UNC5D: variants seen among roughly 807,000 people sequenced by gnomAD.
The protein encoded by UNC5D is netrin receptor UNC5D.
UNC5D carries 39 observed loss-of-function variants against 105.4 expected under a neutral mutation model. The observed-to-expected ratio is 0.37, with a 90% CI of 0.29 to 0.48. The LOEUF (loss-of-function observed/expected upper bound fraction) is 0.48, where lower values mean the gene tolerates loss of function less well. Among genes scored for constraint, UNC5D ranks in the 20% least tolerant of loss-of-function variants. The pLI, the probability that UNC5D is intolerant of heterozygous loss-of-function variation, is 0.98. For synonymous variants in UNC5D, 452 were observed against 450.4 expected, an observed-to-expected ratio of 1.00 and a Z score of -0.04; for missense variants, 991 against 1,202.4, an observed-to-expected ratio of 0.82 and a Z score of 2.60.
At chr8:35,250,035 G>GT (rs1803587017) in intron 1 of UNC5D, among the ~76,000 whole-genome samples, 1 of 151,076 alleles carries the variant, frequency 6.6e-6, no homozygotes, top group Non-Finnish European at 1.5e-5. Flanking sequence ...ACTTTTTTTT[G>GT]TTTTTTTAAG....
In UNC5D at chr8:35,600,122, G is replaced by C. The variant is rs912357839; in HGVS notation, c.570+4465G>C. ...CCAGCTTCATCCATGTCCCTACAAA[G>C]GACATGAACTCATCATTTTTTATGG... On this transcript the variant is annotated intron_variant, in intron 4 of 16. Transcript: ENST00000404895. Among the ~76,000 whole-genome samples, 8 of 152,124 alleles carry C rather than the reference G, an allele frequency of 5.3e-5. No homozygotes were observed. In the South Asian group the frequency reaches 6.2e-4, roughly 12 times the overall value.
At chr8:35,564,571 C>G (rs1272618967) in intron 2 of UNC5D, among the ~76,000 whole-genome samples, 1 of 152,132 alleles carries the variant, frequency 6.6e-6, no homozygotes, top group Non-Finnish European at 1.5e-5. Flanking sequence ...TATGCATGCT[C>G]CACTCCAGCT....
chr8:35,759,206 C>G, intron 13 of UNC5D, 114 bp from the exon 14 acceptor site: 1 of 1,182,594 alleles, frequency 8.5e-7, no homozygotes, highest in Non-Finnish European at 1.2e-6. Flanking sequence ...CTCCTATGCT[C>G]TCTGTCCATT....
intron 1 of UNC5D, among the ~76,000 whole-genome samples, chr8:35,521,652 G>T (rs970020178): frequency 1.3e-5 from 2 of 152,276 alleles, no homozygotes; most frequent in South Asian, 4.1e-4. Context: ...TGATCCTAAT[G>T]CTGTAATTTC....
At chr8:35,722,775 C>T (rs541606227) in intron 9 of UNC5D, among the ~76,000 whole-genome samples, 2 of 152,312 alleles carry the variant, frequency 1.3e-5, no homozygotes, top group South Asian at 4.1e-4. Flanking sequence ...ACCTATATTA[C>T]AGCCTCCCAG....
At chr8:35,440,282 C>T (rs75855303) in intron 1 of UNC5D, among the ~76,000 whole-genome samples, 6,950 of 151,966 alleles carry the variant, frequency 0.046, 176 homozygotes, top group African/African-American at 0.061. Context: ...TTAAAGTCCC[C>T]GTTGTATCAT....
intron 1 of UNC5D, among the ~76,000 whole-genome samples, chr8:35,238,831 C>T (rs1802628888): frequency 6.6e-6 from 1 of 152,114 alleles, no homozygotes; most frequent in African/African-American, 2.4e-5. Flanking sequence ...TAATAATAGT[C>T]TTGTGATTTA....
At chr8:35,249,229 A>T (rs1336247644) in intron 1 of UNC5D, among the ~76,000 whole-genome samples, 1 of 147,444 alleles carries the variant, frequency 6.8e-6, no homozygotes, top group Non-Finnish European at 1.5e-5. Context: ...AAAGCCATAA[A>T]TTTACATCCA....
intron 14 of UNC5D, among the ~76,000 whole-genome samples, chr8:35,765,821 C>A (rs1801739813): frequency 6.6e-6 from 1 of 152,104 alleles, no homozygotes; most frequent in Non-Finnish European, 1.5e-5. Context: ...TATGTCTTGC[C>A]ACCTTTCAGT....
intron 16 of UNC5D, among the ~76,000 whole-genome samples, chr8:35,782,299 G>A (rs1802536838): frequency 6.6e-6 from 1 of 152,082 alleles, no homozygotes; most frequent in Admixed American, 6.6e-5. Flanking sequence ...CATATGGAGG[G>A]TTGGTTTTGG....
chr8:35,415,635 G>T (rs1245057108), intron 1 of UNC5D, among the ~76,000 whole-genome samples: 1 of 152,124 alleles, frequency 6.6e-6, no homozygotes, highest in Non-Finnish European at 1.5e-5. Flanking sequence ...ACTTGCTAAT[G>T]AGGAATTGTC....
At chr8:35,703,208 A>G (rs968520943) in intron 7 of UNC5D, among the ~76,000 whole-genome samples, 6 of 151,948 alleles carry the variant, frequency 3.9e-5, no homozygotes, top group African/African-American at 9.7e-5. Flanking sequence ...TACTCTGACA[A>G]TGATCATGAT....
chr8:35,271,239 G>A (rs1237180806), intron 1 of UNC5D, among the ~76,000 whole-genome samples: 1 of 144,680 alleles, frequency 6.9e-6, no homozygotes, highest in East Asian at 2.1e-4. Flanking sequence ...ATAAATATAG[G>A]TATACCTATA....
chr8:35,422,845 TC>T (rs1806004444), intron 1 of UNC5D, among the ~76,000 whole-genome samples: 2 of 152,336 alleles, frequency 1.3e-5, no homozygotes, highest in South Asian at 4.1e-4. Flanking sequence ...ACATAATCTG[TC>T]CTCAAAGCCC....
intron 1 of UNC5D, among the ~76,000 whole-genome samples, chr8:35,465,217 ACT>A (rs1166705985): frequency 6.6e-6 from 1 of 152,122 alleles, no homozygotes. Context: ...GTGGCAAAAC[ACT>A]GTCTATGCAA....
intron 1 of UNC5D, among the ~76,000 whole-genome samples, chr8:35,419,481 T>A (rs1420253664): frequency 1.3e-5 from 2 of 152,180 alleles, no homozygotes; most frequent in Non-Finnish European, 1.5e-5. Flanking sequence ...GAGGGGGACA[T>A]GGTGCCACCA....
At chr8:35,420,558 T>A (rs1180340094) in intron 1 of UNC5D, among the ~76,000 whole-genome samples, 1 of 152,174 alleles carries the variant, frequency 6.6e-6, no homozygotes, top group Non-Finnish European at 1.5e-5. Context: ...TAGTCTGAAG[T>A]CTGTGGAAGC....
At chr8:35,572,035 C>T (rs1817760635) in intron 3 of UNC5D, among the ~76,000 whole-genome samples, 1 of 152,020 alleles carries the variant, frequency 6.6e-6, no homozygotes, top group African/African-American at 2.4e-5. Context: ...GCCTGTAATC[C>T]CAACACTTTG....
At chr8:35,591,731 A>G (rs1187839851) in intron 3 of UNC5D, among the ~76,000 whole-genome samples, 2 of 152,120 alleles carry the variant, frequency 1.3e-5, no homozygotes, top group Non-Finnish European at 2.9e-5. Context: ...TGTATCAGAT[A>G]TTACAATAGG....
Sources: gnomAD v4.1 joint callset for allele counts (sites outside exome capture counted in the v4.1 genomes callset) on GRCh38, gnomAD v4.1.1 for gene constraint, MANE v1.5 for transcripts, NCBI Gene and HGNC (gene_info 2026-07-23, HGNC 2026-07-21) for gene names.